VRK1: variants seen among roughly 807,000 people sequenced by gnomAD.
VRK1 encodes serine/threonine-protein kinase VRK1.
VRK1 carries 33 observed loss-of-function variants against 57.1 expected under a neutral mutation model. That is an observed-to-expected ratio of 0.58 (90% CI 0.44 to 0.77). The LOEUF is 0.77. VRK1 is among the 30% of genes least tolerant of loss of function. VRK1 has a pLI of 0.00. For missense variants in VRK1, 413 were observed against 477.3 expected (o/e 0.87, Z 1.25); for synonymous variants, 137 against 147.8 (o/e 0.93, Z 0.53).
intron 12 of VRK1, chr14:96,877,621 T>C: frequency 7.8e-7 from 1 of 1,287,586 alleles, no homozygotes; most frequent in East Asian, 5.6e-5. Context: ...ACAGCAATAT[T>C]CTTAAAAAAC....
intron 10 of VRK1, among the ~76,000 whole-genome samples, 192 bp from the exon 11 acceptor site, chr14:96,860,365 A>G (rs1376555224): frequency 1.3e-5 from 2 of 152,158 alleles, no homozygotes; most frequent in Admixed American, 1.3e-4. Flanking sequence ...ATCTCAAAAT[A>G]CTTTTTAAAT....
chr14:96,855,659 T>C (rs916717022), intron 8 of VRK1, among the ~76,000 whole-genome samples: 1 of 152,162 alleles, frequency 6.6e-6, no homozygotes, highest in Non-Finnish European at 1.5e-5. Context: ...TGTTTTTGTG[T>C]TTTTTCTCAA....
At chr14:96,804,921 T>C (rs1885810163) in intron 1 of VRK1, among the ~76,000 whole-genome samples, 1 of 152,226 alleles carries the variant, frequency 6.6e-6, no homozygotes, top group South Asian at 2.1e-4. Flanking sequence ...TTCCAAACTG[T>C]TTCGTATTTA....
chr14:96,860,708 A>T lies in VRK1; in HGVS notation c.1041A>T (p.Gly347=). The T allele has an allele frequency of 6.2e-7, 1 of 1,613,132 alleles. No homozygotes were observed. The highest frequency in any genetic ancestry group is 8.5e-7 in the Non-Finnish European group (1 of 1,179,388). ...GKLDLSVVEN[G]GLKAKTITKK... is the part of the protein sequence containing the mutation. The stretch of plus-strand genomic sequence containing the variant: ...TGGACCTCAGTGTTGTGGAGAATGG[A>T]GGTTTGAAAGCAAAAACAATAACAA... The change falls in exon 11 of 13, where the codon GGA becomes GGT. Residue 347 remains glycine, a synonymous_variant. Coordinates refer to ENST00000216639, the MANE Select transcript of VRK1 (RefSeq NM_003384.3).
intron 1 of VRK1, among the ~76,000 whole-genome samples, chr14:96,831,358 G>C (rs762141334): frequency 1.3e-5 from 2 of 152,158 alleles, no homozygotes; most frequent in African/African-American, 2.4e-5. Context: ...TCAGGGAGAT[G>C]AAACAGCTGT....
At chr14:96,879,665 A>T (rs899390013) in intron 12 of VRK1, among the ~76,000 whole-genome samples, 2 of 152,116 alleles carry the variant, frequency 1.3e-5, no homozygotes, top group African/African-American at 4.8e-5. Context: ...GCAGTGGCTC[A>T]TGCTTGTAAT....
At chr14:96,802,690 A>G (rs1885711499) in intron 1 of VRK1, among the ~76,000 whole-genome samples, 1 of 152,258 alleles carries the variant, frequency 6.6e-6, no homozygotes, top group African/African-American at 2.4e-5. Context: ...TAGACACACA[A>G]AAGAATGTAA....
intron 1 of VRK1, among the ~76,000 whole-genome samples, chr14:96,808,132 A>T (rs563934985): frequency 1.1e-4 from 17 of 152,098 alleles, no homozygotes; most frequent in Non-Finnish European, 2.1e-4. Flanking sequence ...GAAAGGAAGT[A>T]AGAAAGGAGA....
rs1311364931 is a variant in VRK1, at chr14:96,855,351, G to A, written c.704G>A (p.Gly235Asp). The part of the protein sequence containing the change: ...IEFTSIDAHN[G>D]VAPSRRGDLE... Reference sequence around the variant, plus strand: ...TTCACGAGCATCGATGCACACAATGGCGTGGGTATGTCAGTAGTACTGGAG... The same window carrying A: ...TTCACGAGCATCGATGCACACAATGACGTGGGTATGTCAGTAGTACTGGAG... Residue 235 changes from glycine to aspartate, a missense_variant, in exon 8 of 13, where the codon GGC becomes GAC. Physicochemically the swap from Gly to Asp is moderately conservative, Grantham distance 94. This residue lies in a region of VRK1 where 151 missense variants were observed against 225.5 expected (regional missense o/e 0.67). Transcript: ENST00000216639. The A allele has an allele frequency of 1.9e-6, 3 of 1,613,986 alleles. No homozygotes were observed. Among genetic ancestry groups the A allele is most frequent in the Non-Finnish European group, 2.5e-6 (3 of 1,179,902 alleles).
At chr14:96,801,231 A>G (rs552830184) in intron 1 of VRK1, among the ~76,000 whole-genome samples, 1 of 152,358 alleles carries the variant, frequency 6.6e-6, no homozygotes, top group East Asian at 1.9e-4. Flanking sequence ...TAAACAAACC[A>G]TGAAGTTAGA....
Position 96,802,638 on chromosome 14 carries a change from A to T in VRK1, c.-6+5191A>T, listed in dbSNP as rs560091258. 1.1e-4 allele frequency among the ~76,000 whole-genome samples: 16 copies of T among 152,342 alleles called. No individual in the cohort carries two copies. In the East Asian group the frequency reaches 2.3e-3, roughly 22 times the overall value. On this transcript the variant is annotated intron_variant, in intron 1 of 12. Transcript: ENST00000216639. ...ACAGTTCAGTGTCTTGTTTATGGTG[A>T]TGGTTACATGAATCTGTACACATGA...
intron 11 of VRK1, among the ~76,000 whole-genome samples, chr14:96,869,291 C>T (rs1242812826): frequency 6.6e-6 from 1 of 152,162 alleles, no homozygotes; most frequent in Non-Finnish European, 1.5e-5. Context: ...TTTAACTTTT[C>T]CCATCTTTCT....
intron 12 of VRK1, among the ~76,000 whole-genome samples, chr14:96,880,964 T>A (rs1268196018): frequency 2.0e-5 from 3 of 152,224 alleles, no homozygotes; most frequent in African/African-American, 7.2e-5. Flanking sequence ...TTTGTCAGCA[T>A]ATTTTTTGAC....
chr14:96,824,846 G>T (rs1418787568), intron 1 of VRK1, among the ~76,000 whole-genome samples: 1 of 151,780 alleles, frequency 6.6e-6, no homozygotes, highest in Non-Finnish European at 1.5e-5. Flanking sequence ...GTAGAGACGG[G>T]ATTTCACCAT....
intron 1 of VRK1, among the ~76,000 whole-genome samples, chr14:96,802,713 C>T (rs1279811069): frequency 6.6e-6 from 1 of 152,154 alleles, no homozygotes; most frequent in Non-Finnish European, 1.5e-5. Flanking sequence ...GCTGACATTT[C>T]AATAAGTAGT....
At chr14:96,798,267 G>A (rs1261030872) in intron 1 of VRK1, among the ~76,000 whole-genome samples, 2 of 152,132 alleles carry the variant, frequency 1.3e-5, no homozygotes, top group East Asian at 1.9e-4. Flanking sequence ...CAGGGGCAAC[G>A]CATAGTTTTT....
intron 1 of VRK1, among the ~76,000 whole-genome samples, chr14:96,812,558 T>A (rs1428438440): frequency 6.6e-6 from 1 of 152,228 alleles, no homozygotes; most frequent in Non-Finnish European, 1.5e-5. Flanking sequence ...TTTGGAGAAA[T>A]GTCTGTCCAA....
chr14:96,838,223 G>GTTTA (rs144915260), intron 3 of VRK1, among the ~76,000 whole-genome samples: 19,729 of 151,138 alleles, frequency 0.13, 1,607 homozygotes, highest in Non-Finnish European at 0.19. Context: ...AATTTTTTCT[G>GTTTA]TTCCCAATTT....
chr14:96,800,213 C>T (rs1256423388), intron 1 of VRK1, among the ~76,000 whole-genome samples: 1 of 152,188 alleles, frequency 6.6e-6, no homozygotes, highest in East Asian at 1.9e-4. Context: ...TATAAAGATG[C>T]AGAGGGCTCT....
Sources: gnomAD v4.1 joint callset for allele counts (sites outside exome capture counted in the v4.1 genomes callset) on GRCh38, gnomAD v4.1.1 for gene constraint, gnomAD v4.1.1 regional missense constraint, MANE v1.5 for transcripts, NCBI Gene and HGNC (gene_info 2026-07-23, HGNC 2026-07-21) for gene names.